CSGALNACT1: variants seen among roughly 807,000 people sequenced by gnomAD.
CSGALNACT1 encodes the protein beta4GalNAcT-1.
Under a neutral mutation model 51.0 loss-of-function variants are expected in CSGALNACT1, and 52 were observed. The observed-to-expected ratio is 1.02, with a 90% CI of 0.82 to 1.29. The LOEUF is 1.29. Among genes scored for constraint, CSGALNACT1 ranks in the 50% most tolerant of loss-of-function variants. The pLI, the probability that CSGALNACT1 is intolerant of heterozygous loss-of-function variation, is 0.00. For synonymous variants in CSGALNACT1, 341 were observed against 254.4 expected (o/e 1.34, Z -3.24); for missense variants, 935 against 679.2 (o/e 1.38, Z -4.19).
intron 4 of CSGALNACT1, among the ~76,000 whole-genome samples, chr8:19,498,233 C>T (rs2075812201): frequency 6.6e-6 from 1 of 152,212 alleles, no homozygotes. Context: ...TGGCTTTCTC[C>T]TCCTTTTCTA....
intron 3 of CSGALNACT1, among the ~76,000 whole-genome samples, chr8:19,532,407 C>T (rs1201462441): frequency 2.0e-5 from 3 of 152,044 alleles, no homozygotes; most frequent in African/African-American, 7.2e-5. Flanking sequence ...AAAACATGAG[C>T]CGTGTTACAA....
intron 3 of CSGALNACT1, among the ~76,000 whole-genome samples, chr8:19,537,654 T>C (rs2084070842): frequency 6.6e-6 from 1 of 152,108 alleles, no homozygotes; most frequent in Non-Finnish European, 1.5e-5. Context: ...CCTTTCCAAA[T>C]TTATAAACCC....
intron 1 of CSGALNACT1, among the ~76,000 whole-genome samples, chr8:19,613,993 C>G (rs1313578357): frequency 6.6e-6 from 1 of 152,172 alleles, no homozygotes; most frequent in African/African-American, 2.4e-5. Flanking sequence ...TTTCTACGAT[C>G]AAGTGACTCT....
At chr8:19,493,994 G>A (rs1162821566) in intron 4 of CSGALNACT1, among the ~76,000 whole-genome samples, 1 of 151,996 alleles carries the variant, frequency 6.6e-6, no homozygotes, top group Non-Finnish European at 1.5e-5. Flanking sequence ...TGCCTCCAAT[G>A]TAATCCTCTA....
rs879584878 is a variant in CSGALNACT1, at chr8:19,673,099, TACACACACCAGCAGTGAGA to T, written c.-544+9355_-544+9373del. 1.1e-4 allele frequency among the ~76,000 whole-genome samples: 16 copies of T among 152,316 alleles called. No individual in the cohort carries two copies. In the East Asian group the frequency reaches 2.7e-3, roughly 26 times the overall value. ...TTAGAACAAGGGGCAAATGTCGTCT[TACACACACCAGCAGTGAGA>T]ACACACACCCGCTGTGACCATTGTC... On this transcript the variant is annotated intron_variant, in intron 1 of 9. Coordinates refer to the CSGALNACT1 transcript ENST00000332246.
chr8:19,508,438 C>G (rs968910132), intron 3 of CSGALNACT1, among the ~76,000 whole-genome samples: 1 of 152,198 alleles, frequency 6.6e-6, no homozygotes, highest in African/African-American at 2.4e-5. Flanking sequence ...GTTATTAGTG[C>G]TAAGTTTAAA....
At chr8:19,498,524 T>A (rs529665257) in intron 4 of CSGALNACT1, among the ~76,000 whole-genome samples, 1 of 152,144 alleles carries the variant, frequency 6.6e-6, no homozygotes, top group Non-Finnish European at 1.5e-5. Flanking sequence ...CAGCTTCAAC[T>A]CACGGAGAAC....
chr8:19,682,960 CA>C (rs1356224962), upstream of CSGALNACT1: 1 of 305,024 alleles, frequency 3.3e-6, no homozygotes, highest in Non-Finnish European at 6.6e-6. Flanking sequence ...CACTTCGCTG[CA>C]GTCCTTCGTA....
At chr8:19,441,583 G>A (rs1003461537) in intron 5 of CSGALNACT1, among the ~76,000 whole-genome samples, 3 of 152,190 alleles carry the variant, frequency 2.0e-5, no homozygotes, top group Admixed American at 2.0e-4. Flanking sequence ...ATGGATTAAA[G>A]ACTTACATGT....
chr8:19,623,973 A>G (rs1485228409), intron 1 of CSGALNACT1, among the ~76,000 whole-genome samples: 1 of 152,242 alleles, frequency 6.6e-6, no homozygotes, highest in Admixed American at 6.5e-5. Context: ...AAATGGCGAA[A>G]TATTTTAGAT....
intron 1 of CSGALNACT1, among the ~76,000 whole-genome samples, chr8:19,700,133 A>C (rs1402579929): frequency 6.6e-6 from 1 of 151,962 alleles, no homozygotes; most frequent in African/African-American, 2.4e-5. Context: ...AAAGAAAAAA[A>C]AAAACTTAGG....
intron 1 of CSGALNACT1, among the ~76,000 whole-genome samples, chr8:19,726,620 A>G (rs2063416016): frequency 6.6e-6 from 1 of 152,246 alleles, no homozygotes; most frequent in African/African-American, 2.4e-5. Context: ...GCAATTAAAA[A>G]AGATACAATA....
At chr8:19,528,081 T>C (rs1321878084) in intron 3 of CSGALNACT1, among the ~76,000 whole-genome samples, 1 of 152,208 alleles carries the variant, frequency 6.6e-6, no homozygotes, top group Middle Eastern at 3.4e-3. Flanking sequence ...ATGACCCACA[T>C]TGTTATGAAC....
chr8:19,404,641 C>A (rs1265640330), exon 10 of CSGALNACT1: 1 of 443,606 alleles, frequency 2.3e-6, no homozygotes, highest in Non-Finnish European at 4.5e-6. Flanking sequence ...TCCATTTCTT[C>A]TTATGGAAGC....
At chr8:19,468,517 G>A (rs1475598002) in intron 4 of CSGALNACT1, among the ~76,000 whole-genome samples, 1 of 152,154 alleles carries the variant, frequency 6.6e-6, no homozygotes, top group Non-Finnish European at 1.5e-5. Context: ...TCACCTTAGA[G>A]CAGTGTGGGG....
chr8:19,576,028 C>CAGGA (rs1564115794), intron 3 of CSGALNACT1, among the ~76,000 whole-genome samples: 1 of 152,064 alleles, frequency 6.6e-6, no homozygotes, highest in African/African-American at 2.4e-5. Context: ...ATGGCTCAGA[C>CAGGA]AGGAAGAGGT....
chr8:19,590,604 T>C (rs148900341), intron 3 of CSGALNACT1, among the ~76,000 whole-genome samples: 64 of 148,960 alleles, frequency 4.3e-4, no homozygotes, highest in African/African-American at 1.5e-3. Context: ...TCTAAGTCAA[T>C]AGGACATAAA....
intron 1 of CSGALNACT1, among the ~76,000 whole-genome samples, chr8:19,664,552 G>A (rs972134645): frequency 3.3e-5 from 5 of 151,936 alleles, no homozygotes; most frequent in South Asian, 2.1e-4. Flanking sequence ...TCCCAGCACC[G>A]TTCACAACAG....
intron 1 of CSGALNACT1, among the ~76,000 whole-genome samples, chr8:19,666,392 T>C (rs1487562368): frequency 1.3e-5 from 2 of 152,126 alleles, no homozygotes; most frequent in East Asian, 3.9e-4. Context: ...CTTCACCCAA[T>C]TCATCTATTA....
Sources: allele counts gnomAD v4.1 joint callset (sites outside exome capture counted in the v4.1 genomes callset), GRCh38; gene constraint gnomAD v4.1.1; transcripts MANE v1.5; gene names NCBI Gene and HGNC (gene_info 2026-07-23, HGNC 2026-07-21).